The following CRB1 variants were observed in gnomAD, a reference collection of about 807,000 sequenced individuals.
The protein encoded by CRB1 is protein crumbs homolog 1.
Under a neutral mutation model 120.0 loss-of-function variants are expected in CRB1, and 83 were observed. The observed-to-expected ratio is 0.69, with a 90% CI of 0.58 to 0.83. CRB1 has a LOEUF of 0.83. Among genes scored for constraint, CRB1 ranks in the 40% least tolerant of loss-of-function variants. The pLI, the probability that CRB1 is intolerant of heterozygous loss-of-function variation, is 0.00. For synonymous variants in CRB1, 625 were observed against 612.5 expected, an observed-to-expected ratio of 1.02 and a Z score of -0.30; for missense variants, 1,699 against 1,687.6, an observed-to-expected ratio of 1.01 and a Z score of -0.12.
rs1478530205 is a variant in CRB1, at chr1:197,421,054, G to A, written c.1226G>A (p.Gly409Asp). Residue 409 changes from glycine to aspartate, a missense_variant, in exon 6 of 12, where the codon GGT (glycine) becomes GAT (aspartate). Coordinates refer to ENST00000367400, the MANE Select transcript of CRB1 (RefSeq NM_201253.3). ...NECSSNPCQN[G>D]GTCENLPGNY... ...TGTTCTTCAAACCCTTGCCAAAATG[G>A]TGGTACTTGTGAGAACTTGCCTGGG... 1.2e-6 allele frequency: 2 copies of A among 1,614,074 alleles called. No homozygotes were observed. The highest frequency in any genetic ancestry group is 1.7e-6 in the Non-Finnish European group (2 of 1,180,038).
chr1:197,290,044 T>C (rs991190920), intron 1 of CRB1, among the ~76,000 whole-genome samples: 14 of 151,922 alleles, frequency 9.2e-5, no homozygotes, highest in Admixed American at 7.2e-4. Context: ...AATCTATCTA[T>C]GGTTTCTGCT....
At chr1:197,377,528 C>T (rs1221595544) in intron 5 of CRB1, among the ~76,000 whole-genome samples, 1 of 152,176 alleles carries the variant, frequency 6.6e-6, no homozygotes, top group Non-Finnish European at 1.5e-5. Flanking sequence ...CCGGAAGTAA[C>T]TAGATGAGCC....
At chr1:197,463,139 T>C (rs1026984184) in intron 11 of CRB1, among the ~76,000 whole-genome samples, 3 of 152,202 alleles carry the variant, frequency 2.0e-5, no homozygotes, top group Non-Finnish European at 4.4e-5. Flanking sequence ...TACTTCTTGA[T>C]AGACATACTG....
intron 5 of CRB1, among the ~76,000 whole-genome samples, chr1:197,386,843 C>T (rs891815182): frequency 6.6e-6 from 1 of 152,090 alleles, no homozygotes; most frequent in Non-Finnish European, 1.5e-5. Flanking sequence ...AATATTTTCC[C>T]TGCTTTTATC....
chr1:197,255,601 A>T, the CRB1 span, among the ~76,000 whole-genome samples: 1 of 152,064 alleles, frequency 6.6e-6, no homozygotes, highest in Non-Finnish European at 1.5e-5. Flanking sequence ...TTACTGGCAC[A>T]TAATGCCTGT....
chr1:197,435,042 C>T lies in CRB1; in HGVS notation c.3179C>T (p.Pro1060Leu), dbSNP rs141758462. Residue 1060 changes from proline to leucine, a missense_variant, in exon 9 of 12, where the codon CCT becomes CTT. Coordinates refer to ENST00000367400, the MANE Select transcript of CRB1 (RefSeq NM_201253.3). ...CAAATGGAAGTGGACAACGAAACAC[C>T]TTTTGTGACCAGCACAATTGCTACT... ...RWQMEVDNET[P>L]FVTSTIATGS... 1.2e-5 allele frequency: 19 copies of T among 1,613,802 alleles called. No individual in the cohort carries two copies. The highest frequency in any genetic ancestry group is 8.3e-5 in the Admixed American group (5 of 59,946).
In CRB1 at chr1:197,427,641, A is replaced by G. The variant is rs964544440; in HGVS notation, c.2316A>G (p.Leu772=). The G allele has an allele frequency of 6.2e-7, 1 of 1,613,976 alleles. No homozygotes were observed. The highest frequency in any genetic ancestry group is 8.5e-7 in the Non-Finnish European group (1 of 1,179,976). Reference sequence around the variant, plus strand: ...GTGTCTGGCTAGAGCGCGGCAGACTAGCAATGCTGACTCCAAACTCTCCCA... The same window carrying G: ...GTGTCTGGCTAGAGCGCGGCAGACTGGCAATGCTGACTCCAAACTCTCCCA... ...YIRVWLERGR[L]AMLTPNSPKL... The change falls in exon 7 of 12, where the codon CTA becomes CTG. Residue 772 remains leucine, a synonymous_variant. Transcript: ENST00000367400.
chr1:197,340,337 A>T (rs1379993334), intron 2 of CRB1, among the ~76,000 whole-genome samples: 4 of 152,154 alleles, frequency 2.6e-5, no homozygotes, highest in Non-Finnish European at 5.9e-5. Flanking sequence ...CTGTGAGGCC[A>T]CTGCTGTGGG....
At chr1:197,439,533 C>T (rs1665330224) in intron 10 of CRB1, 1 of 152,144 alleles carries the variant, frequency 6.6e-6, no homozygotes. Flanking sequence ...GAGCTGCCTT[C>T]AAAGCCTCTG....
chr1:197,439,240 G>A (rs1335177295), intron 10 of CRB1: 1 of 161,474 alleles, frequency 6.2e-6, no homozygotes, highest in Non-Finnish European at 1.4e-5. Flanking sequence ...AAGTTCAGGG[G>A]TAGAAATAAT....
At position 197,427,558 on chromosome 1, in the gene CRB1, A is replaced by G. The variant is rs760154041; in HGVS notation, c.2233A>G (p.Thr745Ala). ...CATCAGCCTCTCCATGTTTGTCCGA[A>G]CGCTTCAACCATCAGGCTTACTTCT... is the stretch of plus-strand genomic sequence containing the variant. ...DTISLSMFVRTLQPSGLLLAL... is the reference protein window; with the variant it reads ...DTISLSMFVRALQPSGLLLAL... The change falls in exon 7 of 12, where the codon ACG becomes GCG. Residue 745 changes from threonine (T) to alanine (A), a missense_variant. Physicochemically the swap from Thr to Ala is moderately conservative, Grantham distance 58. Transcript: ENST00000367400. 6.2e-7 allele frequency: 1 copy of G among 1,613,898 alleles called. No homozygotes were observed. Among genetic ancestry groups the G allele is most frequent in the East Asian group, 2.2e-5 (1 of 44,868 alleles).
intron 11 of CRB1, among the ~76,000 whole-genome samples, chr1:197,475,578 C>T (rs1261023685): frequency 1.3e-5 from 2 of 152,186 alleles, no homozygotes; most frequent in African/African-American, 4.8e-5. Flanking sequence ...CTCCCATCCT[C>T]CACCCTGTTA....
At chr1:197,371,404 A>C (rs1400776154) in intron 5 of CRB1, among the ~76,000 whole-genome samples, 1 of 152,126 alleles carries the variant, frequency 6.6e-6, no homozygotes, top group African/African-American at 2.4e-5. Context: ...ATCCTTCTAG[A>C]GCTCTACTTC....
At chr1:197,468,586 C>A (rs1165313952) in intron 11 of CRB1, among the ~76,000 whole-genome samples, 6 of 152,132 alleles carry the variant, frequency 3.9e-5, no homozygotes, top group Non-Finnish European at 8.8e-5. Context: ...AATTGATCAG[C>A]CACTTGGGCA....
intron 5 of CRB1, among the ~76,000 whole-genome samples, chr1:197,380,810 A>T (rs1160160835): frequency 6.6e-6 from 1 of 152,154 alleles, no homozygotes; most frequent in Non-Finnish European, 1.5e-5. Context: ...GCTTTGATCC[A>T]TCCTGTCTGA....
chr1:197,459,994 C>T (rs1302685973), intron 11 of CRB1, among the ~76,000 whole-genome samples: 1 of 123,170 alleles, frequency 8.1e-6, no homozygotes, highest in African/African-American at 2.9e-5. Context: ...TTGCTTTAAG[C>T]CCCCCTCTTT....
intron 5 of CRB1, among the ~76,000 whole-genome samples, chr1:197,359,096 A>G (rs1660640159): frequency 1.3e-5 from 2 of 152,306 alleles, no homozygotes; most frequent in Non-Finnish European, 2.9e-5. Flanking sequence ...AGGGAGGCCC[A>G]TGTATGCTTT....
At chr1:197,359,780 TA>T (rs746432689) in intron 5 of CRB1, among the ~76,000 whole-genome samples, 2 of 152,338 alleles carry the variant, frequency 1.3e-5, no homozygotes, top group East Asian at 3.9e-4. Flanking sequence ...CTGTTTTTTT[TA>T]ATAGTCATGT....
At position 197,421,732 on chromosome 1, in the gene CRB1, C is replaced by T. The variant is rs766150173; in HGVS notation, c.1904C>T (p.Ser635Phe). ...CTGCTTAACTTCTATAATATGCCAT[C>T]CACACCTTCGTTTGTAGGCTGTCTC... ...VALLNFYNMP[S>F]TPSFVGCLQD... is the part of the protein sequence containing the mutation. The change falls in exon 6 of 12, where the codon TCC becomes TTC. Residue 635 changes from serine to phenylalanine, a missense_variant. Transcript: ENST00000367400. The T allele has an allele frequency of 3.1e-6, 5 of 1,614,132 alleles. No homozygotes were observed. Among genetic ancestry groups the T allele is most frequent in the Non-Finnish European group, 2.5e-6 (3 of 1,180,036 alleles).
Sources: allele counts gnomAD v4.1 joint callset (sites outside exome capture counted in the v4.1 genomes callset), GRCh38; gene constraint gnomAD v4.1.1; transcripts MANE v1.5; gene names NCBI Gene and HGNC (gene_info 2026-07-23, HGNC 2026-07-21).